SNX29: variants seen among roughly 807,000 people sequenced by gnomAD.
The protein encoded by SNX29 is sorting nexin 29, also known as sorting nexin-29.
SNX29 carries 78 observed loss-of-function variants against 102.1 expected under a neutral mutation model. That is an observed-to-expected ratio of 0.76 (90% CI 0.64 to 0.92). The LOEUF (loss-of-function observed/expected upper bound fraction) is 0.92. Among genes scored for constraint, SNX29 ranks in the 40% least tolerant of loss-of-function variants. The pLI is 0.00. For synonymous variants in SNX29, 580 were observed against 414.5 expected, an observed-to-expected ratio of 1.40 and a Z score of -4.85; for missense variants, 1,280 against 1,061.7, an observed-to-expected ratio of 1.21 and a Z score of -2.86.
intron 13 of SNX29, among the ~76,000 whole-genome samples, chr16:12,187,958 C>T (rs2076551767): frequency 6.6e-6 from 1 of 152,046 alleles, no homozygotes; most frequent in Non-Finnish European, 1.5e-5. Flanking sequence ...TCCACCATGC[C>T]CTAGGAGTTA....
chr16:12,444,775 C>T (rs753807022), intron 18 of SNX29, among the ~76,000 whole-genome samples: 2 of 152,080 alleles, frequency 1.3e-5, no homozygotes, highest in Non-Finnish European at 2.9e-5. Flanking sequence ...GAACCCCTTC[C>T]TCTAGATCAG....
At chr16:12,088,913 C>A (rs967182053) in intron 11 of SNX29, among the ~76,000 whole-genome samples, 1 of 152,090 alleles carries the variant, frequency 6.6e-6, no homozygotes, top group African/African-American at 2.4e-5. Flanking sequence ...CACAGCGAAA[C>A]CCCATCTCTA....
intron 13 of SNX29, among the ~76,000 whole-genome samples, chr16:12,130,408 G>A (rs1427545673): frequency 7.1e-6 from 1 of 141,322 alleles, no homozygotes; most frequent in Non-Finnish European, 1.5e-5. Context: ...CTGGGAGGTG[G>A]AGCTTGCAGT....
intron 1 of SNX29, among the ~76,000 whole-genome samples, chr16:11,983,078 G>C (rs180732445): frequency 2.0e-5 from 3 of 151,984 alleles, no homozygotes; most frequent in African/African-American, 7.2e-5. Context: ...TTACGGGCGT[G>C]CACCACCACG....
At chr16:12,269,037 C>T (rs757939811) in intron 14 of SNX29, among the ~76,000 whole-genome samples, 4 of 152,188 alleles carry the variant, frequency 2.6e-5, no homozygotes, top group African/African-American at 4.8e-5. Flanking sequence ...CACAGCTTTT[C>T]TGGAACATGA....
In SNX29 at chr16:12,105,552, A is replaced by G. The variant is rs1255347618; in HGVS notation, c.1403-21081A>G. ...TCTAATTTCTAAAGTGCATTTTGGG[A>G]AAAAAAAAATCCACCCACAAATCTT... On this transcript the variant is annotated intron_variant, in intron 11 of 20. Coordinates refer to ENST00000566228, the MANE Select transcript of SNX29 (RefSeq NM_032167.5). Among the ~76,000 whole-genome samples, 8 of 149,576 alleles carry G rather than the reference A, an allele frequency of 5.3e-5. 1 individual carries two copies. The South Asian group carries it at 1.3e-3, about 24-fold the overall frequency.
intron 13 of SNX29, chr16:12,135,562 A>G: frequency 7.5e-7 from 1 of 1,329,778 alleles, no homozygotes; most frequent in South Asian, 1.2e-5. Flanking sequence ...TATCTTTGCT[A>G]TTTTGTGAGG....
intron 20 of SNX29, among the ~76,000 whole-genome samples, chr16:12,546,062 T>G (rs901298003): frequency 3.3e-5 from 5 of 152,168 alleles, no homozygotes; most frequent in Admixed American, 6.5e-5. Context: ...AGTGAAGCAG[T>G]CCTGGGTTTG....
At chr16:12,274,117 G>A (rs1245450882) in intron 14 of SNX29, among the ~76,000 whole-genome samples, 1 of 152,158 alleles carries the variant, frequency 6.6e-6, no homozygotes, top group East Asian at 1.9e-4. Flanking sequence ...TATGTGCGGG[G>A]TAAAGTTTCT....
At chr16:12,449,993 C>T (rs1422903847) in intron 18 of SNX29, among the ~76,000 whole-genome samples, 1 of 152,100 alleles carries the variant, frequency 6.6e-6, no homozygotes, top group East Asian at 1.9e-4. Flanking sequence ...GGGGGCGGTT[C>T]CCCCATACTG....
chr16:12,041,973 A>T (rs1029079722), intron 4 of SNX29, among the ~76,000 whole-genome samples: 17 of 152,122 alleles, frequency 1.1e-4, no homozygotes, highest in African/African-American at 4.1e-4. Context: ...TCTGGATGAG[A>T]GGTTTTAGAG....
chr16:12,435,000 C>T (rs2085474864), intron 18 of SNX29, among the ~76,000 whole-genome samples: 1 of 151,918 alleles, frequency 6.6e-6, no homozygotes, highest in African/African-American at 2.4e-5. Flanking sequence ...GTCATCTCTT[C>T]ATGGGGAAGA....
At chr16:12,204,966 G>A (rs544376077) in intron 14 of SNX29, among the ~76,000 whole-genome samples, 5 of 152,304 alleles carry the variant, frequency 3.3e-5, no homozygotes, top group African/African-American at 1.2e-4. Flanking sequence ...TCTCACTGGG[G>A]TGTCAGTTTC....
chr16:12,154,683 C>G (rs2055460321), intron 13 of SNX29, among the ~76,000 whole-genome samples: 1 of 152,170 alleles, frequency 6.6e-6, no homozygotes, highest in African/African-American at 2.4e-5. Flanking sequence ...TTATAAACAA[C>G]AAATAGATCT....
chr16:12,501,751 AG>A (rs2089137570), intron 19 of SNX29, among the ~76,000 whole-genome samples: 3 of 145,886 alleles, frequency 2.1e-5, no homozygotes, highest in Admixed American at 6.7e-5. Context: ...AAAAAAAAAA[AG>A]GCAGTGGTAA....
intron 20 of SNX29, among the ~76,000 whole-genome samples, chr16:12,549,833 C>T (rs1033982233): frequency 2.0e-5 from 3 of 152,262 alleles, no homozygotes; most frequent in Non-Finnish European, 4.4e-5. Flanking sequence ...CCAGGCCTTG[C>T]CTCCTTGGCC....
At chr16:12,455,121 T>C (rs1201158731) in intron 18 of SNX29, among the ~76,000 whole-genome samples, 2 of 152,314 alleles carry the variant, frequency 1.3e-5, no homozygotes, top group African/African-American at 2.4e-5. Flanking sequence ...GGAGGCAAGA[T>C]AGCTGGTTTT....
intron 13 of SNX29, among the ~76,000 whole-genome samples, chr16:12,185,522 TG>T (rs1202011719): frequency 6.6e-6 from 1 of 152,202 alleles, no homozygotes; most frequent in African/African-American, 2.4e-5. Flanking sequence ...CAGTGGGGTG[TG>T]GTTCTCCTGT....
chr16:12,103,882 T>C (rs1228891028), intron 11 of SNX29, among the ~76,000 whole-genome samples: 1 of 152,246 alleles, frequency 6.6e-6, no homozygotes, highest in Non-Finnish European at 1.5e-5. Context: ...AATGTTTCCT[T>C]GTCTCCATGA....
Sources: allele counts gnomAD v4.1 joint callset (sites outside exome capture counted in the v4.1 genomes callset), GRCh38; gene constraint gnomAD v4.1.1; transcripts MANE v1.5; gene names NCBI Gene and HGNC (gene_info 2026-07-23, HGNC 2026-07-21).